MSANTD2: variants seen among roughly 807,000 people sequenced by gnomAD.
MSANTD2 encodes myb/SANT-like DNA-binding domain-containing protein 2.
In MSANTD2, 19 loss-of-function variants were observed where a neutral mutation model predicts 52.6. The observed-to-expected ratio is 0.36, with a 90% CI of 0.25 to 0.53. The LOEUF (loss-of-function observed/expected upper bound fraction) is 0.53. Among genes scored for constraint, MSANTD2 ranks in the 20% least tolerant of loss-of-function variants. The pLI is 0.91. For synonymous variants in MSANTD2, 291 were observed against 289.7 expected, an observed-to-expected ratio of 1.00 and a Z score of -0.04; for missense variants, 558 against 716.3, an observed-to-expected ratio of 0.78 and a Z score of 2.52.
chr11:124,766,527 T>TTA lies in MSANTD2; in HGVS notation c.*648_*649insTA, dbSNP rs1555111459. On this transcript the variant is annotated 3_prime_UTR_variant, in exon 4 of 4. Transcript: ENST00000374979. ...AGGAATTACTTTAATTTTTTTTTTTTAAAAAAAGGTTTAAATGGCAACACA... is the reference window on the plus strand; with the variant it reads ...AGGAATTACTTTAATTTTTTTTTTTTTAAAAAAAAGGTTTAAATGGCAACACA... The TTA allele has an allele frequency of 0.21, 31,466 of 151,484 alleles. 4,099 individuals carry two copies. The highest frequency in any genetic ancestry group is 0.37 in the African/African-American group (15,072 of 41,148). The allele number at this position is 151,484 out of a possible 1,614,324, so 9.4% of individuals were successfully genotyped here. A position where few individuals can be genotyped will look rare whatever the true frequency, so the allele number is the denominator to read the frequency against.
chr11:124,783,477 G>A (rs916616573), intron 1 of MSANTD2, among the ~76,000 whole-genome samples: 10 of 152,010 alleles, frequency 6.6e-5, no homozygotes, highest in African/African-American at 1.9e-4. Flanking sequence ...AAAATTAGCC[G>A]AGTGTGGTGA....
chr11:124,800,179 G>T lies in MSANTD2; in HGVS notation c.202C>A (p.Leu68Met). 1 of 1,469,646 alleles carries T rather than the reference G, an allele frequency of 6.8e-7. No individual in the cohort carries two copies. 91.0% of individuals were successfully genotyped at this position (1,469,646 alleles called of 1,614,324 possible). A position where few individuals can be genotyped will look rare whatever the true frequency, so the allele number is the denominator to read the frequency against. ...GCGGCGCTGCGGCCCCCCAGCCCCAGCCCGAGACCCCCGGACGCCGCTGCC... is the reference window on the plus strand; with the variant it reads ...GCGGCGCTGCGGCCCCCCAGCCCCATCCCGAGACCCCCGGACGCCGCTGCC... ...SGAAASGGLG[L>M]GLGGRSAASS... The change falls in exon 1 of 4, where the codon CTG becomes ATG. Residue 68 changes from leucine (L) to methionine (M), a missense_variant. Leu to Met is a conservative substitution (Grantham distance 15, BLOSUM62 2). Transcript: ENST00000374979. This position sits in a 1 kb window ranked among gnomAD's most constrained non-coding sequence, Gnocchi z 4.3.
intron 3 of MSANTD2, among the ~76,000 whole-genome samples, chr11:124,772,709 C>T (rs542360389): frequency 8.0e-4 from 114 of 141,744 alleles, no homozygotes; most frequent in Non-Finnish European, 1.4e-3. Flanking sequence ...TGCACACCAG[C>T]CTGGGTGACA....
intron 1 of MSANTD2, among the ~76,000 whole-genome samples, chr11:124,777,914 G>GT (rs1944803976): frequency 6.6e-6 from 1 of 152,040 alleles, no homozygotes; most frequent in African/African-American, 2.4e-5. Context: ...AAAAAAAAGA[G>GT]TAAGAACTGA....
rs1256614507 is a variant in MSANTD2 at position 124,774,718 on chromosome 11, C to T, written c.766+1G>A. The T allele has an allele frequency of 2.5e-6, 4 of 1,613,746 alleles. No homozygotes were observed. The highest frequency in any genetic ancestry group is 3.4e-6 in the Non-Finnish European group (4 of 1,179,842). Reference sequence around the variant, plus strand: ...AGTATCATATATGTTGGCTTTCTTACCCAATTCCTGATCTGTTGGATAGCC... The same window carrying T: ...AGTATCATATATGTTGGCTTTCTTATCCAATTCCTGATCTGTTGGATAGCC... On this transcript the variant is annotated splice_donor_variant, in intron 2 of 3. Transcript: ENST00000374979. LOFTEE classifies it high-confidence loss of function. This position sits in a 1 kb window ranked among gnomAD's most constrained non-coding sequence, Gnocchi z 5.1.
intron 1 of MSANTD2, among the ~76,000 whole-genome samples, chr11:124,781,778 G>C (rs547404321): frequency 6.6e-6 from 1 of 150,980 alleles, no homozygotes; most frequent in South Asian, 2.1e-4. Context: ...TCAGCCTCCC[G>C]AGTAGCTGGG....
intron 1 of MSANTD2, chr11:124,783,719 T>G: frequency 1.0e-6 from 1 of 985,118 alleles, no homozygotes; most frequent in Non-Finnish European, 1.2e-6. Flanking sequence ...AGTTCTAAGT[T>G]TTCTAGGTTC....
intron 1 of MSANTD2, among the ~76,000 whole-genome samples, chr11:124,795,061 G>A (rs182047455): frequency 3.3e-4 from 50 of 152,048 alleles, no homozygotes; most frequent in African/African-American, 1.2e-3. Context: ...TGTATTTTTG[G>A]TAGAGACAGG....
In MSANTD2 at chr11:124,779,433, A is replaced by G. The variant is rs1053929509; in HGVS notation, c.511-4459T>C. Among the ~76,000 whole-genome samples, 1 of 152,220 alleles carries G rather than the reference A, an allele frequency of 6.6e-6. No individual in the cohort carries two copies. The highest frequency in any genetic ancestry group is 1.5e-5 in the Non-Finnish European group (1 of 68,046). On this transcript the variant is annotated intron_variant, in intron 1 of 3. Transcript: ENST00000374979. The surrounding 1 kb of genome is among the most constrained non-coding windows in gnomAD (Gnocchi z 4.6). ...CCAGTATTGGCTTAATAATTTTCTC[A>G]AAGTTTGCCCCATTTCATACAATCA... is the stretch of plus-strand genomic sequence containing the variant.
At chr11:124,786,255 C>T (rs562942436) in intron 1 of MSANTD2, among the ~76,000 whole-genome samples, 1 of 152,102 alleles carries the variant, frequency 6.6e-6, no homozygotes, top group South Asian at 2.1e-4. Flanking sequence ...TATAGGAGTG[C>T]ACCACCACGC....
chr11:124,786,095 C>CT (rs200399771), intron 1 of MSANTD2, among the ~76,000 whole-genome samples: 5,369 of 114,248 alleles, frequency 0.047, 410 homozygotes, highest in African/African-American at 0.16. Flanking sequence ...ATCATTTCTT[C>CT]TTTTTTTTTT....
chr11:124,772,178 T>TA lies in MSANTD2; in HGVS notation c.827+815dup, dbSNP rs544117159. 2.3e-3 allele frequency among the ~76,000 whole-genome samples: 347 copies of TA among 152,322 alleles called. 3 individuals are homozygous for TA. Among genetic ancestry groups the TA allele is most frequent in the Non-Finnish European group, 3.0e-3 (201 of 68,026 alleles). On this transcript the variant is annotated intron_variant, in intron 3 of 3. Coordinates refer to ENST00000374979, the MANE Select transcript of MSANTD2 (RefSeq NM_001308027.2). The stretch of plus-strand genomic sequence containing the variant: ...GCAACTGCTTTCTTCTCCAAATGTA[T>TA]AATAGGTCATCTAAGAGCTTTCTTT...
chr11:124,790,040 C>T (rs1382539571), intron 1 of MSANTD2: 1 of 152,176 alleles, frequency 6.6e-6, no homozygotes, highest in Admixed American at 6.5e-5. Flanking sequence ...TATTTTATTT[C>T]GTTTGTTTTA....
chr11:124,799,552 G>C (rs1945613588), intron 1 of MSANTD2, among the ~76,000 whole-genome samples: 1 of 152,178 alleles, frequency 6.6e-6, no homozygotes, highest in South Asian at 2.1e-4. Flanking sequence ...GTGGGGGCAA[G>C]AGGCGCCAGC....
chr11:124,800,206 C>T lies in MSANTD2; in HGVS notation c.175G>A (p.Gly59Arg), dbSNP rs1374676298. The stretch of plus-strand genomic sequence containing the variant: ...CCGAGACCCCCGGACGCCGCTGCCC[C>T]CGAGCCCGCCGCACTGCCCGGCCCG... The part of the protein sequence containing the change: ...PLGPGSAAGS[G>R]AAASGGLGLG... The change falls in exon 1 of 4, where the codon GGG (glycine) becomes AGG (arginine). Residue 59 changes from glycine to arginine, a missense_variant. Gly to Arg is a moderately radical substitution (Grantham distance 125). Coordinates refer to ENST00000374979, the MANE Select transcript of MSANTD2 (RefSeq NM_001308027.2). This position sits in a 1 kb window ranked among gnomAD's most constrained non-coding sequence, Gnocchi z 4.3. 2.0e-6 allele frequency: 3 copies of T among 1,480,994 alleles called. No individual in the cohort carries two copies. The highest frequency in any genetic ancestry group is 2.7e-6 in the Non-Finnish European group (3 of 1,117,306). 91.7% of individuals were successfully genotyped at this position (1,480,994 alleles called of 1,614,324 possible).
Position 124,768,650 on chromosome 11 carries a change from C to T in MSANTD2, c.828-622G>A, listed in dbSNP as rs186350103. Among the ~76,000 whole-genome samples the T allele has an allele frequency of 6.0e-3, 908 of 152,130 alleles. 19 individuals are homozygous for T. Among genetic ancestry groups the T allele is most frequent in the Non-Finnish European group, 3.0e-3 (203 of 68,000 alleles). On this transcript the variant is annotated intron_variant, in intron 3 of 3. Coordinates refer to ENST00000374979, the MANE Select transcript of MSANTD2 (RefSeq NM_001308027.2). ...TATTTGTCTGAAATTCATTACTAAT[C>T]CCAAAATTAATAGAAGTCAGGTTAG...
chr11:124,784,705 T>C, intron 1 of MSANTD2: 2 of 973,678 alleles, frequency 2.1e-6, no homozygotes, highest in South Asian at 4.7e-5. Context: ...CTACCATCTA[T>C]AGTGCAAAGA....
intron 1 of MSANTD2, chr11:124,791,684 C>T: frequency 1.6e-6 from 2 of 1,226,314 alleles, no homozygotes; most frequent in East Asian, 2.4e-5. Flanking sequence ...TGGAGACAGG[C>T]AAGGCTGTGG....
chr11:124,777,898 C>G (rs1295301554), intron 1 of MSANTD2, among the ~76,000 whole-genome samples: 1 of 124,774 alleles, frequency 8.0e-6, no homozygotes, highest in Non-Finnish European at 1.5e-5. Flanking sequence ...ATCACATCAA[C>G]TAAGAAAAAA....
Sources: gnomAD v4.1 joint callset for allele counts (sites outside exome capture counted in the v4.1 genomes callset) on GRCh38, gnomAD v4.1.1 for gene constraint, Gnocchi (gnomAD v3.1) non-coding constraint, MANE v1.5 for transcripts, NCBI Gene and HGNC (gene_info 2026-07-23, HGNC 2026-07-21) for gene names.